The following DAP variants were observed in gnomAD, a reference collection of about 807,000 sequenced individuals.
The protein encoded by DAP is death-associated protein 1.
A neutral mutation model predicts 13.8 loss-of-function variants in DAP; 8 were observed. The observed-to-expected ratio is 0.58, with a 90% CI of 0.34 to 1.05. DAP has a LOEUF of 1.05. Among genes scored for constraint, DAP ranks in the 50% least tolerant of loss-of-function variants. DAP has a pLI of 0.03. For missense variants in DAP, 106 were observed against 133.2 expected (o/e 0.80, Z 1.01); for synonymous variants, 47 against 47.5 (o/e 0.99, Z 0.04).
chr5:10,707,216 G>T lies in DAP; in HGVS notation c.153-23645C>A, dbSNP rs961881554. Among the ~76,000 whole-genome samples the T allele has an allele frequency of 1.3e-5, 2 of 152,224 alleles. No individual in the cohort carries two copies. The highest frequency in any genetic ancestry group is 2.1e-4 in the South Asian group (1 of 4,836). On this transcript the variant is annotated intron_variant, in intron 2 of 3. Transcript: ENST00000230895. This position sits in a 1 kb window ranked among gnomAD's most constrained non-coding sequence, Gnocchi z 4.0. ...CAAGGTGCTAAAGGAGCACACAGCA[G>T]GGGTTTAAACTGGTTTGGAGGGCCA...
At chr5:10,704,625 C>G (rs1298773849) in intron 2 of DAP, among the ~76,000 whole-genome samples, 2 of 152,052 alleles carry the variant, frequency 1.3e-5, no homozygotes, top group African/African-American at 2.4e-5. Context: ...TAAGTGAAAC[C>G]CTTGGCAAAG....
At chr5:10,728,102 T>C (rs1323882753) in intron 2 of DAP, among the ~76,000 whole-genome samples, 25 of 152,228 alleles carry the variant, frequency 1.6e-4, no homozygotes, top group Admixed American at 1.6e-3. Flanking sequence ...GAAGGCTGAC[T>C]GTCTATGATT....
intron 1 of DAP, among the ~76,000 whole-genome samples, chr5:10,755,942 G>A (rs192594640): frequency 6.6e-6 from 1 of 152,352 alleles, no homozygotes; most frequent in East Asian, 1.9e-4. Flanking sequence ...GAGCCCAGGA[G>A]TTTGAGACCT....
chr5:10,697,174 G>A (rs1415611062), intron 2 of DAP, among the ~76,000 whole-genome samples: 1 of 152,168 alleles, frequency 6.6e-6, no homozygotes. Context: ...CTCTAAAGAC[G>A]CTAGATCAGG....
intron 2 of DAP, among the ~76,000 whole-genome samples, chr5:10,746,673 T>G (rs1175879436): frequency 6.6e-6 from 1 of 152,216 alleles, no homozygotes; most frequent in African/African-American, 2.4e-5. Context: ...AAACCAGAAC[T>G]GGGACTGAAT....
chr5:10,747,232 C>T (rs1378754224), intron 2 of DAP, among the ~76,000 whole-genome samples: 1 of 152,192 alleles, frequency 6.6e-6, no homozygotes, highest in Non-Finnish European at 1.5e-5. Flanking sequence ...TCTACGTGGA[C>T]GAGCTCCCGC....
intron 2 of DAP, among the ~76,000 whole-genome samples, chr5:10,685,601 A>C (rs1561005491): frequency 2.0e-5 from 3 of 152,246 alleles, no homozygotes; most frequent in Non-Finnish European, 2.9e-5. Flanking sequence ...AACAGCCTGA[A>C]GCAGGGATGG....
chr5:10,708,129 G>A (rs1481850795), intron 2 of DAP, among the ~76,000 whole-genome samples: 1 of 152,172 alleles, frequency 6.6e-6, no homozygotes, highest in African/African-American at 2.4e-5. Context: ...AATATAAACT[G>A]AAATGACCAC....
chr5:10,715,430 C>T (rs1266553110), intron 2 of DAP, among the ~76,000 whole-genome samples: 2 of 152,340 alleles, frequency 1.3e-5, no homozygotes, highest in African/African-American at 4.8e-5. Context: ...ACACCTTGCA[C>T]CACTCCACCC....
At chr5:10,722,488 C>CTA (rs1291904056) in intron 2 of DAP, among the ~76,000 whole-genome samples, 5 of 149,832 alleles carry the variant, frequency 3.3e-5, no homozygotes, top group African/African-American at 5.0e-5. Context: ...AACTCTCTCT[C>CTA]TATATATATA....
chr5:10,733,088 C>T (rs1373181241), intron 2 of DAP, among the ~76,000 whole-genome samples: 1 of 151,904 alleles, frequency 6.6e-6, no homozygotes, highest in East Asian at 1.9e-4. Flanking sequence ...GCATAATGAC[C>T]TCCAGGTTCC....
At chr5:10,722,383 T>C (rs1739163875) in intron 2 of DAP, among the ~76,000 whole-genome samples, 1 of 152,084 alleles carries the variant, frequency 6.6e-6, no homozygotes, top group Admixed American at 6.5e-5. Context: ...CTCCAAGTTC[T>C]TCAGTTTTGA....
At chr5:10,704,556 A>AGAT (rs1738654552) in intron 2 of DAP, among the ~76,000 whole-genome samples, 1 of 152,240 alleles carries the variant, frequency 6.6e-6, no homozygotes, top group Non-Finnish European at 1.5e-5. Context: ...GATTACATGG[A>AGAT]GATGCCATGG....
At position 10,680,964 on chromosome 5, in the gene DAP, T is replaced by G; in HGVS notation, c.*92A>C. 4 of 1,543,758 alleles carry G rather than the reference T, an allele frequency of 2.6e-6. No individual in the cohort carries two copies. Among genetic ancestry groups the G allele is most frequent in the Non-Finnish European group, 3.5e-6 (4 of 1,146,986 alleles). On this transcript the variant is annotated 3_prime_UTR_variant, in exon 4 of 4. Coordinates refer to ENST00000230895, the MANE Select transcript of DAP (RefSeq NM_004394.3). ...TTTTGCCTTAGATTTCCCAGCAGAG[T>G]AGGATTTGGGCGAAACTGCTGGTTC...
intron 2 of DAP, among the ~76,000 whole-genome samples, chr5:10,730,729 C>T (rs1716017572): frequency 1.2e-5 from 1 of 84,638 alleles, no homozygotes; most frequent in Non-Finnish European, 2.2e-5. Flanking sequence ...TCTTTCTGTA[C>T]TGAGAGCCCT....
intron 2 of DAP, among the ~76,000 whole-genome samples, chr5:10,698,357 T>G (rs1347002630): frequency 6.6e-6 from 1 of 151,274 alleles, no homozygotes; most frequent in Non-Finnish European, 1.5e-5. Flanking sequence ...CAATTCTGCT[T>G]ACTTTCCAAA....
At chr5:10,726,758 A>G (rs1739296680) in intron 2 of DAP, among the ~76,000 whole-genome samples, 2 of 149,842 alleles carry the variant, frequency 1.3e-5, no homozygotes, top group African/African-American at 5.0e-5. Context: ...TGTGTGTGGA[A>G]AAGTGTGTGT....
At chr5:10,741,329 G>A (rs1431142906) in intron 2 of DAP, among the ~76,000 whole-genome samples, 1 of 152,170 alleles carries the variant, frequency 6.6e-6, no homozygotes, top group Non-Finnish European at 1.5e-5. Context: ...ATCCAGCCTG[G>A]GTGGCAGAGT....
At chr5:10,684,449 G>T (rs192635490) in intron 2 of DAP, among the ~76,000 whole-genome samples, 28 of 152,248 alleles carry the variant, frequency 1.8e-4, no homozygotes, top group Admixed American at 1.7e-3. Context: ...TGAGGGAATG[G>T]ATGCAGTACC....
Sources: allele counts gnomAD v4.1 joint callset (sites outside exome capture counted in the v4.1 genomes callset), GRCh38; gene constraint gnomAD v4.1.1; non-coding constraint Gnocchi (gnomAD v3.1); transcripts MANE v1.5; gene names NCBI Gene and HGNC (gene_info 2026-07-23, HGNC 2026-07-21).